Variants in SH3GLB2 observed in about 807,000 individuals in gnomAD.
SH3GLB2 encodes SH3 domain containing GRB2 like, endophilin B2.
SH3GLB2 carries 24 observed loss-of-function variants against 48.0 expected under a neutral mutation model. The observed-to-expected ratio is 0.50, with a 90% CI of 0.36 to 0.70. The LOEUF (loss-of-function observed/expected upper bound fraction) is 0.70. SH3GLB2 is among the 30% of genes least tolerant of loss of function. The pLI, the probability that SH3GLB2 is intolerant of heterozygous loss-of-function variation, is 0.00. For missense variants in SH3GLB2, 425 were observed against 516.0 expected (o/e 0.82, Z 1.71); for synonymous variants, 227 against 207.6 (o/e 1.09, Z -0.80).
rs1459743378 is a variant in SH3GLB2 at position 129,028,221 on chromosome 9, G to C, written c.-67C>G. On this transcript the variant is annotated 5_prime_UTR_variant, in exon 1 of 11. Transcript: ENST00000372564. ...GGCAGCCCCCGGCCCAGCCGCCGCCGCCAACCGCACCCCGCCCACCTGCTG... is the reference window on the plus strand; with the variant it reads ...GGCAGCCCCCGGCCCAGCCGCCGCCCCCAACCGCACCCCGCCCACCTGCTG... 51 of 1,072,838 alleles carry C rather than the reference G, an allele frequency of 4.8e-5. No individual in the cohort carries two copies. The highest frequency in any genetic ancestry group is 5.7e-5 in the Non-Finnish European group (50 of 877,434). The allele number at this position is 1,072,838 out of a possible 1,614,324, so 66.5% of individuals were successfully genotyped here.
chr9:129,018,348 CG>C (rs1843564319), intron 3 of SH3GLB2, among the ~76,000 whole-genome samples: 1 of 150,874 alleles, frequency 6.6e-6, no homozygotes, highest in African/African-American at 2.4e-5. Flanking sequence ...GAGGCCAAGG[CG>C]GGCGGATCAC....
At chr9:129,013,851 G>A (rs965478654) in intron 5 of SH3GLB2, 4 of 341,784 alleles carry the variant, frequency 1.2e-5, no homozygotes, top group South Asian at 4.4e-5. Context: ...CCCAGGCTGC[G>A]TCCCATTGAC....
rs1394189948 is a variant in SH3GLB2 at position 129,014,916 on chromosome 9, G to A, written c.335-12C>T. 1 of 1,611,470 alleles carries A rather than the reference G, an allele frequency of 6.2e-7. No individual in the cohort carries two copies. On this transcript the variant is annotated splice_polypyrimidine_tract_variant and intron_variant, in intron 3 of 10. Coordinates refer to ENST00000372564, the MANE Select transcript of SH3GLB2 (RefSeq NM_020145.4). The surrounding 1 kb of genome is among the most constrained non-coding windows in gnomAD (Gnocchi z 4.1). Reference sequence around the variant, plus strand: ...GATCAGTGTCTTCCCTGAGAAAACAGAGTTGAAGCGTGAGGAAGAAGGTCA... The same window carrying A: ...GATCAGTGTCTTCCCTGAGAAAACAAAGTTGAAGCGTGAGGAAGAAGGTCA...
intron 3 of SH3GLB2, among the ~76,000 whole-genome samples, chr9:129,018,122 A>C (rs1477408473): frequency 6.6e-6 from 1 of 152,090 alleles, no homozygotes; most frequent in Non-Finnish European, 1.5e-5. Flanking sequence ...ATAGCACGAC[A>C]TGTTCATACA....
intron 1 of SH3GLB2, 31 bp downstream of exon 1, chr9:129,028,061 C>G: frequency 2.7e-6 from 4 of 1,496,362 alleles, no homozygotes; most frequent in South Asian, 1.2e-5. Flanking sequence ...ACATCCGGGC[C>G]CCCGGCGCAC....
chr9:129,016,141 G>A (rs189781127), intron 3 of SH3GLB2, among the ~76,000 whole-genome samples: 2 of 151,652 alleles, frequency 1.3e-5, no homozygotes, highest in Admixed American at 6.6e-5. Flanking sequence ...TCAGGAGTTC[G>A]AGACCAACCT....
rs1842831876 is a variant in SH3GLB2, at chr9:129,007,234, GCA to G, written c.*1448_*1449del. 1 of 152,258 alleles carries G rather than the reference GCA, an allele frequency of 6.6e-6. No homozygotes were observed. The highest frequency in any genetic ancestry group is 1.5e-5 in the Non-Finnish European group (1 of 68,122). 9.4% of individuals were successfully genotyped at this position (152,258 alleles called of 1,614,324 possible). Reference sequence around the variant, plus strand: ...GTACTGATGGATGGCTAGTTCACCAGCATCTCCTCATTCCTGTCCTTGGGCTG... The same window carrying G: ...GTACTGATGGATGGCTAGTTCACCAGTCTCCTCATTCCTGTCCTTGGGCTG... On this transcript the variant is annotated 3_prime_UTR_variant, in exon 11 of 11. Coordinates refer to ENST00000372564, the MANE Select transcript of SH3GLB2 (RefSeq NM_020145.4).
chr9:129,014,201 G>C lies in SH3GLB2; in HGVS notation c.561+210C>G, dbSNP rs1425302127. Among the ~76,000 whole-genome samples, 1 of 152,132 alleles carries C rather than the reference G, an allele frequency of 6.6e-6. No individual in the cohort carries two copies. Among genetic ancestry groups the C allele is most frequent in the Non-Finnish European group, 1.5e-5 (1 of 68,012 alleles). ...GCACTGCTGGTCCGCCCACACCGTAGATATCTCCCTGGGAACCAGAGCTCG... is the reference window on the plus strand; with the variant it reads ...GCACTGCTGGTCCGCCCACACCGTACATATCTCCCTGGGAACCAGAGCTCG... On this transcript the variant is annotated intron_variant, in intron 5 of 10. Coordinates refer to ENST00000372564, the MANE Select transcript of SH3GLB2 (RefSeq NM_020145.4). The surrounding 1 kb of genome is among the most constrained non-coding windows in gnomAD (Gnocchi z 4.1).
Position 129,028,077 on chromosome 9 carries a change from G to C in SH3GLB2, c.63+15C>G. The C allele has an allele frequency of 6.7e-7, 1 of 1,500,316 alleles. No homozygotes were observed. The highest frequency in any genetic ancestry group is 2.1e-4 in the Middle Eastern group (1 of 4,830). 92.9% of individuals were successfully genotyped at this position (1,500,316 alleles called of 1,614,324 possible). A position where few individuals can be genotyped will look rare whatever the true frequency, so the allele number is the denominator to read the frequency against. On this transcript the variant is annotated intron_variant, in intron 1 of 10. Coordinates refer to ENST00000372564, the MANE Select transcript of SH3GLB2 (RefSeq NM_020145.4). Reference sequence around the variant, plus strand: ...CATCCGGGCCCCCGGCGCACGGCGCGACGCCAGGCCTCACCTGCACCGCCC... The same window carrying C: ...CATCCGGGCCCCCGGCGCACGGCGCCACGCCAGGCCTCACCTGCACCGCCC...
chr9:129,027,692 G>C (rs964332422), intron 1 of SH3GLB2, among the ~76,000 whole-genome samples: 2 of 152,224 alleles, frequency 1.3e-5, no homozygotes, highest in African/African-American at 4.8e-5. Context: ...TCGGAGAAGG[G>C]GTTGTGGTGG....
chr9:129,010,181 G>C lies in SH3GLB2; in HGVS notation c.677C>G (p.Thr226Arg). ...CACTTCTGCTTGCCGGTCAAACTCT[G>C]TCTGGGCCACGCGGAGCTCCTGCTC... ...KAEQELRVAQ[T>R]EFDRQAEVTR... Residue 226 changes from threonine to arginine, a missense_variant, in exon 8 of 11, where the codon ACA becomes AGA. Coordinates refer to ENST00000372564, the MANE Select transcript of SH3GLB2 (RefSeq NM_020145.4). 1 of 1,613,982 alleles carries C rather than the reference G, an allele frequency of 6.2e-7. No individual in the cohort carries two copies. Among genetic ancestry groups the C allele is most frequent in the Non-Finnish European group, 8.5e-7 (1 of 1,179,946 alleles).
Position 129,008,236 on chromosome 9 carries a change from GGCA to G in SH3GLB2, c.*445_*447del, listed in dbSNP as rs1250315558. Reference sequence around the variant, plus strand: ...CCTGGCCAGGCTCTCCCCTCCCAGGGGCAGCGCCCAGTCCCCAGGGGCTGCCAG... The same window carrying G: ...CCTGGCCAGGCTCTCCCCTCCCAGGGGCGCCCAGTCCCCAGGGGCTGCCAG... On this transcript the variant is annotated 3_prime_UTR_variant, in exon 11 of 11. Coordinates refer to ENST00000372564, the MANE Select transcript of SH3GLB2 (RefSeq NM_020145.4). 1.1e-5 allele frequency: 2 copies of G among 181,096 alleles called. No homozygotes were observed. Among genetic ancestry groups the G allele is most frequent in the African/African-American group, 4.8e-5 (2 of 42,070 alleles). 11.2% of individuals were successfully genotyped at this position (181,096 alleles called of 1,614,324 possible).
intron 1 of SH3GLB2, 81 bp downstream of exon 1, chr9:129,028,011 G>A: frequency 7.4e-7 from 1 of 1,344,682 alleles, no homozygotes; most frequent in Non-Finnish European, 9.8e-7. Flanking sequence ...GCTTTCCCGC[G>A]TCCCCAGGCG....
At chr9:129,015,118 C>A (rs963567828) in intron 3 of SH3GLB2, among the ~76,000 whole-genome samples, 7 of 152,196 alleles carry the variant, frequency 4.6e-5, no homozygotes, top group Non-Finnish European at 7.3e-5. Flanking sequence ...GAACACAATG[C>A]AGCCATTATA....
Position 129,028,227 on chromosome 9 carries a change from C to A in SH3GLB2, c.-73G>T. 2 of 1,030,948 alleles carry A rather than the reference C, an allele frequency of 1.9e-6. No individual in the cohort carries two copies. Among genetic ancestry groups the A allele is most frequent in the East Asian group, 1.2e-4 (2 of 16,566 alleles). The allele number at this position is 1,030,948 out of a possible 1,614,324, so 63.9% of individuals were successfully genotyped here. Reference sequence around the variant, plus strand: ...CCCCGGCCCAGCCGCCGCCGCCAACCGCACCCCGCCCACCTGCTGCGGGGC... The same window carrying A: ...CCCCGGCCCAGCCGCCGCCGCCAACAGCACCCCGCCCACCTGCTGCGGGGC... On this transcript the variant is annotated 5_prime_UTR_variant, in exon 1 of 11. Coordinates refer to ENST00000372564, the MANE Select transcript of SH3GLB2 (RefSeq NM_020145.4).
intron 9 of SH3GLB2, chr9:129,009,565 C>T: frequency 6.5e-7 from 1 of 1,542,658 alleles, no homozygotes; most frequent in South Asian, 1.2e-5. Flanking sequence ...CCTAGAAACC[C>T]TCAGGGGCTC....
chr9:129,021,222 G>T lies in SH3GLB2; in HGVS notation c.206-3C>A. 2 of 1,600,466 alleles carry T rather than the reference G, an allele frequency of 1.2e-6. No homozygotes were observed. The highest frequency in any genetic ancestry group is 1.7e-6 in the Non-Finnish European group (2 of 1,174,858). The stretch of plus-strand genomic sequence containing the variant: ...CAGGAACTCCTCCACTCGGGCACCT[G>T]TGGGGAGACAGCAGCCAAAGCCACA... On this transcript the variant is annotated splice_polypyrimidine_tract_variant and splice_region_variant and intron_variant, in intron 2 of 10. Transcript: ENST00000372564.
At chr9:129,010,599 C>T (rs1843056500) in intron 7 of SH3GLB2, 71 bp downstream of exon 7, 6 of 1,560,620 alleles carry the variant, frequency 3.8e-6, no homozygotes, top group Middle Eastern at 1.7e-4. Flanking sequence ...GATCAGACCC[C>T]ACAGCAGCAA....
At chr9:129,020,732 T>C (rs747176461) in intron 3 of SH3GLB2, among the ~76,000 whole-genome samples, 2 of 151,292 alleles carry the variant, frequency 1.3e-5, no homozygotes, top group Admixed American at 6.6e-5. Flanking sequence ...TAGCCAGGCG[T>C]GGTCACGGGC....
Sources: allele counts gnomAD v4.1 joint callset (sites outside exome capture counted in the v4.1 genomes callset), GRCh38; gene constraint gnomAD v4.1.1; non-coding constraint Gnocchi (gnomAD v3.1); transcripts MANE v1.5; gene names NCBI Gene and HGNC (gene_info 2026-07-23, HGNC 2026-07-21).